SPMIP7: variants seen among roughly 807,000 people sequenced by gnomAD.
The protein encoded by SPMIP7 is sperm microtubule inner protein 7, also known as protein SPMIP7.
chr7:50,150,484 G>A, the SPMIP7 span, among the ~76,000 whole-genome samples: 1 of 152,230 alleles, frequency 6.6e-6, no homozygotes, highest in Admixed American at 6.5e-5. Flanking sequence ...ACTCTGCAAA[G>A]ATGGTAGGCT....
At chr7:50,107,925 T>A in the SPMIP7 span, among the ~76,000 whole-genome samples, 1 of 152,116 alleles carries the variant, frequency 6.6e-6, no homozygotes, top group Non-Finnish European at 1.5e-5. Context: ...AAAGGAAAAA[T>A]CTGAAAGTTC....
At chr7:50,138,696 A>T in the SPMIP7 span, among the ~76,000 whole-genome samples, 1 of 152,244 alleles carries the variant, frequency 6.6e-6, no homozygotes, top group Non-Finnish European at 1.5e-5. Flanking sequence ...TATCAAGGAT[A>T]CCATTTTTAA....
the SPMIP7 span, among the ~76,000 whole-genome samples, chr7:50,114,999 C>CA: frequency 3.4e-5 from 5 of 147,246 alleles, no homozygotes; most frequent in African/African-American, 1.3e-4. Flanking sequence ...CATTGTGCTA[C>CA]AGCCTGGGCA....
the SPMIP7 span, among the ~76,000 whole-genome samples, chr7:50,157,894 C>T: frequency 8.2e-6 from 1 of 121,608 alleles, no homozygotes; most frequent in South Asian, 2.5e-4. Flanking sequence ...ATTTTCAAAG[C>T]TTTTTTAAAA....
At chr7:50,101,642 A>T in the SPMIP7 span, among the ~76,000 whole-genome samples, 1 of 152,242 alleles carries the variant, frequency 6.6e-6, no homozygotes, top group Non-Finnish European at 1.5e-5. Context: ...ATCTGGCTTA[A>T]TATTAGAATT....
the SPMIP7 span, chr7:50,136,297 G>A: frequency 1.5e-6 from 1 of 657,944 alleles, no homozygotes. Context: ...AGCATCCCAG[G>A]GACTCCCTGA....
the SPMIP7 span, among the ~76,000 whole-genome samples, chr7:50,130,470 T>C: frequency 6.6e-6 from 1 of 152,028 alleles, no homozygotes; most frequent in Non-Finnish European, 1.5e-5. Flanking sequence ...CATGATTCAA[T>C]TATCTCCACC....
At chr7:50,114,217 T>C in the SPMIP7 span, among the ~76,000 whole-genome samples, 1 of 152,070 alleles carries the variant, frequency 6.6e-6, no homozygotes, top group African/African-American at 2.4e-5. Context: ...TAAATTGAGG[T>C]GAACAGAAAT....
the SPMIP7 span, among the ~76,000 whole-genome samples, chr7:50,113,857 T>C: frequency 1.6e-4 from 25 of 152,028 alleles, no homozygotes; most frequent in Admixed American, 1.6e-3. Context: ...TTTTTAAAAT[T>C]ATGCCCAAAA....
the SPMIP7 span, chr7:50,136,182 A>G: frequency 6.6e-7 from 1 of 1,518,492 alleles, no homozygotes. Context: ...TTTATCTCCT[A>G]AAGTTCTCAC....
At chr7:50,154,912 C>T in the SPMIP7 span, among the ~76,000 whole-genome samples, 1 of 152,126 alleles carries the variant, frequency 6.6e-6, no homozygotes, top group African/African-American at 2.4e-5. Context: ...GAGGTGATAT[C>T]TCACTGTGGT....
chr7:50,153,564 T>A, the SPMIP7 span, among the ~76,000 whole-genome samples: 5 of 152,320 alleles, frequency 3.3e-5, no homozygotes, highest in East Asian at 1.9e-4. Context: ...ACACTAATAA[T>A]CACTTCTGTT....
At chr7:50,157,078 A>T in the SPMIP7 span, among the ~76,000 whole-genome samples, 2 of 152,218 alleles carry the variant, frequency 1.3e-5, no homozygotes, top group Non-Finnish European at 2.9e-5. Flanking sequence ...GATCCGCTTG[A>T]TGCAGAGGCA....
At chr7:50,096,377 C>T in the SPMIP7 span, 58 of 1,551,908 alleles carry the variant, frequency 3.7e-5, no homozygotes, top group Non-Finnish European at 4.6e-5. Context: ...ATTTCCACTT[C>T]GGGATGATGT....
chr7:50,157,545 T>C, the SPMIP7 span, among the ~76,000 whole-genome samples: 1 of 152,204 alleles, frequency 6.6e-6, no homozygotes, highest in Non-Finnish European at 1.5e-5. Flanking sequence ...TGTGTATTTA[T>C]ATAAAGCAAA....
At chr7:50,119,769 TC>T in the SPMIP7 span, among the ~76,000 whole-genome samples, 3 of 152,216 alleles carry the variant, frequency 2.0e-5, no homozygotes, top group African/African-American at 7.2e-5. Flanking sequence ...ATGTTGTGCT[TC>T]CGAGCATTGA....
the SPMIP7 span, among the ~76,000 whole-genome samples, chr7:50,125,229 CAT>C: frequency 4.6e-4 from 13 of 28,110 alleles, 3 homozygotes; most frequent in East Asian, 3.3e-3. Flanking sequence ...CATATATACA[CAT>C]ATATATACAC....
At chr7:50,152,709 A>ATTTAT in the SPMIP7 span, among the ~76,000 whole-genome samples, 1 of 92,728 alleles carries the variant, frequency 1.1e-5, no homozygotes, top group Non-Finnish European at 2.4e-5. Context: ...TATTTATTTA[A>ATTTAT]GACAGAGTAC....
At chr7:50,102,233 A>G in the SPMIP7 span, among the ~76,000 whole-genome samples, 66 of 152,272 alleles carry the variant, frequency 4.3e-4, no homozygotes, top group African/African-American at 1.4e-3. Flanking sequence ...CTGAGGTGGC[A>G]GAATTGTTTG....
Sources: allele counts gnomAD v4.1 joint callset (sites outside exome capture counted in the v4.1 genomes callset), GRCh38; gene constraint gnomAD v4.1.1; transcripts MANE v1.5; gene names NCBI Gene and HGNC (gene_info 2026-07-23, HGNC 2026-07-21).